The following NXPE2 variants were observed in gnomAD, a reference collection of about 807,000 sequenced individuals.
NXPE2 encodes the protein NXPE family member 2.
Under a neutral mutation model 34.4 loss-of-function variants are expected in NXPE2, and 34 were observed. That is an observed-to-expected ratio of 0.99 (90% CI 0.75 to 1.31). The LOEUF is 1.31. NXPE2 is among the 40% of genes most tolerant of loss of function. The pLI, the probability that NXPE2 is intolerant of heterozygous loss-of-function variation, is 0.00. For missense variants in NXPE2, 649 were observed against 672.5 expected, an observed-to-expected ratio of 0.97 and a Z score of 0.39; for synonymous variants, 235 against 231.3, an observed-to-expected ratio of 1.02 and a Z score of -0.15.
the NXPE2 span, among the ~76,000 whole-genome samples, chr11:114,497,919 T>C: frequency 6.6e-6 from 1 of 152,180 alleles, no homozygotes; most frequent in Non-Finnish European, 1.5e-5. Flanking sequence ...TAAAACATAC[T>C]AATAAACAGG....
At chr11:114,805,325 T>C in the NXPE2 span, among the ~76,000 whole-genome samples, 1 of 151,244 alleles carries the variant, frequency 6.6e-6, no homozygotes, top group Non-Finnish European at 1.5e-5. Context: ...CACTGGGGAG[T>C]GCCAGACAGT....
the NXPE2 span, among the ~76,000 whole-genome samples, chr11:114,714,622 C>T: frequency 6.6e-6 from 1 of 152,224 alleles, no homozygotes; most frequent in Non-Finnish European, 1.5e-5. Context: ...CTGTTGGCTT[C>T]ATTTTCAGGC....
chr11:114,466,808 CCTTTT>C, the NXPE2 span, among the ~76,000 whole-genome samples: 38,348 of 151,752 alleles, frequency 0.25, 4,940 homozygotes, highest in East Asian at 0.37. Context: ...ATATTCCCAG[CCTTTT>C]CTTCTTATTT....
At chr11:114,522,899 T>C in the NXPE2 span, 29 of 1,612,410 alleles carry the variant, frequency 1.8e-5, no homozygotes, top group East Asian at 6.2e-4. Flanking sequence ...TTTGGGGAAG[T>C]AGTAGATCCA....
chr11:114,584,291 G>T, the NXPE2 span: 1 of 511,100 alleles, frequency 2.0e-6, no homozygotes, highest in Non-Finnish European at 4.0e-6. Flanking sequence ...CCCTACATCA[G>T]TCCTTCCAAT....
intron 5 of NXPE2, 90 bp from the exon 6 acceptor site, chr11:114,706,305 T>C (rs951060389): frequency 1.8e-6 from 2 of 1,127,216 alleles, no homozygotes; most frequent in African/African-American, 3.1e-5. Flanking sequence ...TTAGAAGTGA[T>C]CTTGGTTAGA....
the NXPE2 span, among the ~76,000 whole-genome samples, chr11:114,553,063 C>T: frequency 6.6e-6 from 1 of 152,224 alleles, no homozygotes; most frequent in African/African-American, 2.4e-5. Context: ...TGCACCAACA[C>T]TGCTCAATCT....
the NXPE2 span, among the ~76,000 whole-genome samples, chr11:114,627,169 C>T: frequency 1.9e-3 from 288 of 152,008 alleles, no homozygotes; most frequent in African/African-American, 6.2e-3. Flanking sequence ...ATACAGAGAA[C>T]GCCACAAAGA....
the NXPE2 span, among the ~76,000 whole-genome samples, chr11:114,494,930 C>T: frequency 1.3e-5 from 2 of 152,180 alleles, no homozygotes; most frequent in Admixed American, 1.3e-4. Flanking sequence ...TAGGGCACAC[C>T]CTAAACCCAG....
At chr11:114,693,471 G>A (rs1951190995) in intron 2 of NXPE2, among the ~76,000 whole-genome samples, 1 of 152,118 alleles carries the variant, frequency 6.6e-6, no homozygotes, top group Admixed American at 6.5e-5. Context: ...CCATGTCCCA[G>A]ACTGTCCACG....
At chr11:114,587,419 C>G in the NXPE2 span, among the ~76,000 whole-genome samples, 5 of 152,200 alleles carry the variant, frequency 3.3e-5, no homozygotes, top group African/African-American at 1.2e-4. Flanking sequence ...CCTGCATTCT[C>G]TATTAAAGGG....
At chr11:114,608,702 C>T in the NXPE2 span, among the ~76,000 whole-genome samples, 3 of 151,750 alleles carry the variant, frequency 2.0e-5, no homozygotes, top group Admixed American at 6.6e-5. Context: ...ACCACTGTAA[C>T]CAGGTGGATA....
At chr11:114,743,907 A>G in the NXPE2 span, among the ~76,000 whole-genome samples, 1 of 151,092 alleles carries the variant, frequency 6.6e-6, no homozygotes, top group South Asian at 2.1e-4. Flanking sequence ...ACATATATGT[A>G]TATTTACACA....
chr11:114,525,316 G>A, the NXPE2 span, among the ~76,000 whole-genome samples: 1 of 151,746 alleles, frequency 6.6e-6, no homozygotes, highest in African/African-American at 2.4e-5. Flanking sequence ...GAGACTAATA[G>A]TCCCCCAAAG....
chr11:114,596,062 A>T, the NXPE2 span, among the ~76,000 whole-genome samples: 2 of 152,224 alleles, frequency 1.3e-5, no homozygotes, highest in Non-Finnish European at 1.5e-5. Context: ...TGAATGATTG[A>T]GAGTAATCAT....
chr11:114,633,447 A>G, the NXPE2 span, among the ~76,000 whole-genome samples: 1 of 146,404 alleles, frequency 6.8e-6, no homozygotes, highest in East Asian at 2.0e-4. Context: ...TATACAATGT[A>G]TATTTTTTCT....
upstream of NXPE2, chr11:114,678,250 T>C (rs1051714390): frequency 1.1e-5 from 2 of 182,066 alleles, no homozygotes; most frequent in Non-Finnish European, 2.3e-5. Context: ...TACAAAGGCA[T>C]GAGCAAGGGA....
At chr11:114,745,745 T>C in the NXPE2 span, among the ~76,000 whole-genome samples, 3 of 151,982 alleles carry the variant, frequency 2.0e-5, no homozygotes, top group Non-Finnish European at 2.9e-5. Flanking sequence ...GTAGAAAAAC[T>C]AGATATGAAA....
chr11:114,515,985 T>C, the NXPE2 span, among the ~76,000 whole-genome samples: 1 of 152,220 alleles, frequency 6.6e-6, no homozygotes, highest in Admixed American at 6.5e-5. Flanking sequence ...AGGCAAACAA[T>C]AGATGCTATG....
Sources: gnomAD v4.1 joint callset for allele counts (sites outside exome capture counted in the v4.1 genomes callset) on GRCh38, gnomAD v4.1.1 for gene constraint, MANE v1.5 for transcripts, NCBI Gene and HGNC (gene_info 2026-07-23, HGNC 2026-07-21) for gene names.